The following INO80 variants were observed in gnomAD, a reference collection of about 807,000 sequenced individuals.
INO80 encodes chromatin-remodeling ATPase INO80.
Under a neutral mutation model 203.4 loss-of-function variants are expected in INO80, and 20 were observed. That is an observed-to-expected ratio of 0.10 (90% confidence interval 0.07 to 0.14). The LOEUF is 0.14. INO80 is among the 10% of genes least tolerant of loss of function. The pLI, the probability that INO80 is intolerant of heterozygous loss-of-function variation, is 1.00. For synonymous variants in INO80, 726 were observed against 685.2 expected, an observed-to-expected ratio of 1.06 and a Z score of -0.93; for missense variants, 1,419 against 1,914.4, an observed-to-expected ratio of 0.74 and a Z score of 4.83.
intron 6 of INO80, 95 bp from the exon 7 acceptor site, chr15:41,085,678 C>T: frequency 2.3e-6 from 2 of 859,424 alleles, no homozygotes; most frequent in South Asian, 3.2e-5. Context: ...TTTCCTTATT[C>T]CACCTGACAC....
intron 5 of INO80, among the ~76,000 whole-genome samples, chr15:41,090,831 T>C (rs1296591841): frequency 1.4e-5 from 2 of 143,600 alleles, no homozygotes; most frequent in Admixed American, 1.4e-4. Context: ...GTTAAAATGA[T>C]GTATCTTTTT....
rs576792417 is a variant in INO80 at position 41,113,664 on chromosome 15, T to C, written c.-44+2309A>G. Among the ~76,000 whole-genome samples, 14 of 152,270 alleles carry C rather than the reference T, an allele frequency of 9.2e-5. No individual in the cohort carries two copies. In the South Asian group the frequency reaches 1.7e-3, roughly 18 times the overall value. On this transcript the variant is annotated intron_variant, in intron 1 of 35. Coordinates refer to ENST00000648947, the MANE Select transcript of INO80 (RefSeq NM_017553.3). ...GTCTCGCTCTCCACCCAGGCTTGAG[T>C]GCGCTGGCACAATCATAGCTCACTA...
chr15:41,054,086 T>C lies in INO80; in HGVS notation c.2189-72A>G. On this transcript the variant is annotated intron_variant, in intron 18 of 35. Transcript: ENST00000648947. ...AAAAACAACAGAAACAAATACCACA[T>C]TCACCTCTCACCAAACTCTTCAAAA... 2.5e-6 allele frequency: 3 copies of C among 1,192,896 alleles called. No homozygotes were observed. The South Asian group carries it at 3.9e-5, about 16-fold the overall frequency. The allele number at this position is 1,192,896 out of a possible 1,614,324, so 73.9% of individuals were successfully genotyped here. A position where few individuals can be genotyped will look rare whatever the true frequency, so the allele number is the denominator to read the frequency against.
chr15:41,073,358 C>T (rs1030564206), intron 11 of INO80, 70 bp downstream of exon 11: 3 of 1,255,640 alleles, frequency 2.4e-6, no homozygotes, highest in Admixed American at 3.4e-5. Context: ...TAAAGGAAGA[C>T]CACCTAAGTA....
intron 14 of INO80, among the ~76,000 whole-genome samples, chr15:41,068,019 T>C (rs541563522): frequency 2.6e-5 from 4 of 152,218 alleles, no homozygotes; most frequent in South Asian, 4.1e-4. Context: ...GATCACCCCC[T>C]ACTTCAACCT....
rs1046127032 is a variant in INO80, at chr15:41,020,903, G to C, written c.3271C>G (p.Pro1091Ala). Residue 1091 changes from proline to alanine, a missense_variant, in exon 26 of 36, where the codon CCA becomes GCA. Pro to Ala is a conservative substitution (Grantham distance 27, BLOSUM62 -1). Around this residue, in one of 9 missense-constraint regions of INO80, gnomAD observed 302 missense variants for 345.4 expected, o/e 0.87. Coordinates refer to ENST00000648947, the MANE Select transcript of INO80 (RefSeq NM_017553.3). The part of the protein sequence containing the change: ...PQNGWSFIRI[P>A]GKESLITDSG... ...TCCAAGAGGATTGAGAACTCACCTG[G>C]AATCCTGATGAAAGACCAGCCATTC... 80 of 1,604,828 alleles carry C rather than the reference G, an allele frequency of 5.0e-5. No homozygotes were observed. The highest frequency in any genetic ancestry group is 6.6e-5 in the Non-Finnish European group (77 of 1,172,222).
At chr15:40,993,368 A>G (rs1188969186) in intron 29 of INO80, among the ~76,000 whole-genome samples, 1 of 152,212 alleles carries the variant, frequency 6.6e-6, no homozygotes, top group Non-Finnish European at 1.5e-5. Flanking sequence ...GCTGAGAAGA[A>G]GAGAAACATA....
intron 1 of INO80, among the ~76,000 whole-genome samples, chr15:41,100,106 G>T (rs1017397303): frequency 2.6e-5 from 4 of 151,798 alleles, no homozygotes; most frequent in Non-Finnish European, 5.9e-5. Flanking sequence ...TTGAGACAAA[G>T]TCTTGTAGCC....
In INO80 at chr15:41,092,165, A is replaced by G. The variant is rs778979367; in HGVS notation, c.399T>C (p.Asp133=). 2.9e-5 allele frequency: 46 copies of G among 1,603,290 alleles called. No homozygotes were observed. Among genetic ancestry groups the G allele is most frequent in the Non-Finnish European group, 3.8e-5 (45 of 1,171,290 alleles). The part of the protein sequence containing the change: ...RKWLKSILLS[D]ESSEADSQSE... ...TCTGAGAATCAGCCTCGCTGGATTCATCACTTAGCAGAATGCTCTGAAAAG... is the reference window on the plus strand; with the variant it reads ...TCTGAGAATCAGCCTCGCTGGATTCGTCACTTAGCAGAATGCTCTGAAAAG... The change falls in exon 5 of 36, where the codon GAT becomes GAC. Residue 133 remains aspartate (D), a synonymous_variant. Coordinates refer to ENST00000648947, the MANE Select transcript of INO80 (RefSeq NM_017553.3).
chr15:41,089,662 G>C (rs2045606341), intron 5 of INO80, among the ~76,000 whole-genome samples: 1 of 151,808 alleles, frequency 6.6e-6, no homozygotes, highest in South Asian at 2.1e-4. Context: ...AGTACTGCTT[G>C]AACTCAGAAG....
At chr15:41,009,440 T>C (rs1298968988) in intron 27 of INO80, among the ~76,000 whole-genome samples, 10 of 139,744 alleles carry the variant, frequency 7.2e-5, no homozygotes, top group African/African-American at 2.7e-4. Context: ...TGTCCATGTG[T>C]TCTCATTGTT....
At chr15:41,099,394 C>T (rs372545170) in intron 1 of INO80, among the ~76,000 whole-genome samples, 1 of 150,998 alleles carries the variant, frequency 6.6e-6, no homozygotes, top group Admixed American at 6.6e-5. Context: ...AAAATATATT[C>T]AAAATATACT....
At chr15:41,061,237 T>C (rs1169107041) in intron 14 of INO80, among the ~76,000 whole-genome samples, 5 of 151,944 alleles carry the variant, frequency 3.3e-5, no homozygotes, top group South Asian at 2.1e-4. Flanking sequence ...CTGGGAGAGG[T>C]TGCAGTGAGC....
At chr15:41,111,444 C>CA (rs973790861) in intron 1 of INO80, among the ~76,000 whole-genome samples, 22 of 151,526 alleles carry the variant, frequency 1.5e-4, no homozygotes, top group African/African-American at 5.1e-4. Context: ...GACTCCGTCT[C>CA]AAAAAAAAGA....
At chr15:41,022,783 A>G (rs139464909) in intron 25 of INO80, among the ~76,000 whole-genome samples, 13 of 152,036 alleles carry the variant, frequency 8.6e-5, no homozygotes, top group Non-Finnish European at 1.3e-4. Flanking sequence ...CTAGAATCTC[A>G]TATCACCTTT....
At chr15:41,090,269 A>C (rs2045615378) in intron 5 of INO80, among the ~76,000 whole-genome samples, 1 of 152,218 alleles carries the variant, frequency 6.6e-6, no homozygotes, top group African/African-American at 2.4e-5. Flanking sequence ...TAGAATGGGC[A>C]CATTTATAGA....
chr15:40,982,249 C>T (rs1893858315), intron 35 of INO80, among the ~76,000 whole-genome samples: 1 of 152,222 alleles, frequency 6.6e-6, no homozygotes, highest in Non-Finnish European at 1.5e-5. Flanking sequence ...AGGGTTCAGT[C>T]AATTCTCGTG....
intron 24 of INO80, among the ~76,000 whole-genome samples, chr15:41,032,821 C>T (rs1303151842): frequency 6.6e-6 from 1 of 152,046 alleles, no homozygotes; most frequent in Admixed American, 6.6e-5. Flanking sequence ...GGGCGGATCA[C>T]GAGGTCAGGA....
chr15:41,041,119 T>G (rs1388127770), intron 24 of INO80, among the ~76,000 whole-genome samples: 1 of 152,134 alleles, frequency 6.6e-6, no homozygotes, highest in Non-Finnish European at 1.5e-5. Flanking sequence ...AGGCTCAGAG[T>G]GCAGTGGTGG....
Sources: allele counts gnomAD v4.1 joint callset (sites outside exome capture counted in the v4.1 genomes callset), GRCh38; gene constraint gnomAD v4.1.1; regional missense constraint gnomAD v4.1.1; transcripts MANE v1.5; gene names NCBI Gene and HGNC (gene_info 2026-07-23, HGNC 2026-07-21).